Variants in AHI1 observed in about 807,000 individuals in gnomAD.
The protein encoded by AHI1 is Abelson helper integration site 1.
AHI1 carries 123 observed loss-of-function variants against 149.3 expected under a neutral mutation model. The observed-to-expected ratio is 0.82, with a 90% CI of 0.71 to 0.96. The LOEUF (loss-of-function observed/expected upper bound fraction) is 0.96. Among genes scored for constraint, AHI1 ranks in the 40% least tolerant of loss-of-function variants. The pLI is 0.00. For missense variants in AHI1, 1,439 were observed against 1,422.7 expected (o/e 1.01, Z -0.18); for synonymous variants, 475 against 459.8 (o/e 1.03, Z -0.42).
chr6:135,464,129 A>C (rs919477493), intron 7 of AHI1, among the ~76,000 whole-genome samples: 1 of 152,214 alleles, frequency 6.6e-6, no homozygotes, highest in African/African-American at 2.4e-5. Context: ...GTATCTAGTA[A>C]AAAATCTGCA....
chr6:135,324,846 T>G (rs1787409149), intron 24 of AHI1, among the ~76,000 whole-genome samples: 1 of 152,094 alleles, frequency 6.6e-6, no homozygotes, highest in African/African-American at 2.4e-5. Context: ...CATTTAACAA[T>G]ATTTATTAAC....
At chr6:135,358,493 G>C (rs975218477) in intron 23 of AHI1, among the ~76,000 whole-genome samples, 1 of 152,176 alleles carries the variant, frequency 6.6e-6, no homozygotes, top group Non-Finnish European at 1.5e-5. Flanking sequence ...GGGCTCTGCT[G>C]CTTTTCTTCC....
At chr6:135,324,542 T>TTATATA (rs890509105) in intron 24 of AHI1, among the ~76,000 whole-genome samples, 4 of 103,494 alleles carry the variant, frequency 3.9e-5, no homozygotes, top group African/African-American at 1.9e-4. Flanking sequence ...ACATATATAG[T>TTATATA]TATATATACA....
chr6:135,304,826 A>T (rs1784353322), intron 26 of AHI1, among the ~76,000 whole-genome samples: 1 of 152,182 alleles, frequency 6.6e-6, no homozygotes, highest in African/African-American at 2.4e-5. Context: ...TAATTGTGCC[A>T]ATTAAAAACA....
At chr6:135,450,929 A>G (rs999740229) in intron 11 of AHI1, among the ~76,000 whole-genome samples, 4 of 152,174 alleles carry the variant, frequency 2.6e-5, no homozygotes, top group Non-Finnish European at 4.4e-5. Flanking sequence ...TAACTTAACA[A>G]TTATCCAAGA....
chr6:135,333,112 C>A (rs1374414644), intron 24 of AHI1, among the ~76,000 whole-genome samples: 1 of 152,160 alleles, frequency 6.6e-6, no homozygotes, highest in Non-Finnish European at 1.5e-5. Flanking sequence ...CCAAAGACTT[C>A]AGGGTACTCC....
chr6:135,407,832 GA>G (rs1202572207), intron 21 of AHI1, among the ~76,000 whole-genome samples: 2 of 151,870 alleles, frequency 1.3e-5, no homozygotes, highest in African/African-American at 4.8e-5. Flanking sequence ...CTAACACGGT[GA>G]AACCCCGTCT....
At chr6:135,477,380 T>C (rs1419218921) in intron 5 of AHI1, among the ~76,000 whole-genome samples, 1 of 152,174 alleles carries the variant, frequency 6.6e-6, no homozygotes, top group African/African-American at 2.4e-5. Flanking sequence ...CAATAGATTT[T>C]TGTGATTCCA....
chr6:135,288,122 A>G (rs1244475811), intron 28 of AHI1, among the ~76,000 whole-genome samples: 1 of 151,970 alleles, frequency 6.6e-6, no homozygotes, highest in Admixed American at 6.6e-5. Flanking sequence ...ACACAACAAA[A>G]AAACCTGGAC....
intron 27 of AHI1, among the ~76,000 whole-genome samples, chr6:135,294,528 A>C (rs528247765): frequency 6.6e-6 from 1 of 151,934 alleles, no homozygotes; most frequent in Admixed American, 6.6e-5. Context: ...AAACAAACAA[A>C]CAACCCTCCC....
intron 23 of AHI1, among the ~76,000 whole-genome samples, chr6:135,385,697 G>A (rs1470756952): frequency 1.3e-5 from 2 of 152,208 alleles, no homozygotes; most frequent in African/African-American, 4.8e-5. Flanking sequence ...AAACCTGACT[G>A]AAAACCAGGA....
At chr6:135,477,414 A>C (rs1330321917) in intron 5 of AHI1, among the ~76,000 whole-genome samples, 1 of 152,140 alleles carries the variant, frequency 6.6e-6, no homozygotes, top group South Asian at 2.1e-4. Context: ...CTTTTTAGCT[A>C]TCCTTTTAAA....
chr6:135,414,844 A>G (rs895748331), intron 20 of AHI1, among the ~76,000 whole-genome samples: 1 of 151,908 alleles, frequency 6.6e-6, no homozygotes, highest in South Asian at 2.1e-4. Flanking sequence ...TTTAAGTTTT[A>G]GGGTACATGT....
At chr6:135,367,702 T>G (rs1446959885) in intron 23 of AHI1, among the ~76,000 whole-genome samples, 2 of 152,144 alleles carry the variant, frequency 1.3e-5, no homozygotes, top group Admixed American at 1.3e-4. Flanking sequence ...TTTCCAGAAG[T>G]TGTGATTGTT....
At chr6:135,497,045 T>C (rs1016200129) in intron 2 of AHI1, 143 bp downstream of exon 2, 2 of 152,240 alleles carry the variant, frequency 1.3e-5, no homozygotes, top group African/African-American at 4.8e-5. Context: ...ATTTTCACAA[T>C]AGATGTTTTT....
intron 13 of AHI1, among the ~76,000 whole-genome samples, chr6:135,444,975 A>G (rs977671025): frequency 6.6e-6 from 1 of 152,228 alleles, no homozygotes; most frequent in Non-Finnish European, 1.5e-5. Flanking sequence ...CTTTATACCT[A>G]CATTTCCTCA....
Position 135,485,594 on chromosome 6 carries a change from ATTTACT to A in AHI1, c.135+5023_135+5028del, listed in dbSNP as rs1372164166. On this transcript the variant is annotated intron_variant, in intron 5 of 28. Transcript: ENST00000265602. ...CTATTTGAATCTGTATTTTTGGAAA[ATTTACT>A]TTTAAGATCTTTCAGGACTTTTGTA... is the stretch of plus-strand genomic sequence containing the variant. Among the ~76,000 whole-genome samples, 8 of 152,204 alleles carry A rather than the reference ATTTACT, an allele frequency of 5.3e-5. No homozygotes were observed. In the East Asian group the frequency reaches 1.5e-3, roughly 29 times the overall value.
chr6:135,426,099 G>A (rs1188149633), intron 20 of AHI1, among the ~76,000 whole-genome samples: 1 of 151,698 alleles, frequency 6.6e-6, no homozygotes, highest in African/African-American at 2.4e-5. Context: ...AGGATACATG[G>A]TGAAACTAGA....
Position 135,434,815 on chromosome 6 carries a change from C to T in AHI1, c.2037-1559G>A, listed in dbSNP as rs575662616. Among the ~76,000 whole-genome samples, 330 of 152,026 alleles carry T rather than the reference C, an allele frequency of 2.2e-3. 1 individual carries two copies. The highest frequency in any genetic ancestry group is 7.4e-3 in the African/African-American group (305 of 41,484). ...GGGAAAGAAAAAACATAAAGTTAAG[C>T]CATATGTTTGAGAAAAGGGAATAGT... On this transcript the variant is annotated intron_variant, in intron 15 of 28. Transcript: ENST00000265602.
Sources: gnomAD v4.1 joint callset for allele counts (sites outside exome capture counted in the v4.1 genomes callset) on GRCh38, gnomAD v4.1.1 for gene constraint, MANE v1.5 for transcripts, NCBI Gene and HGNC (gene_info 2026-07-23, HGNC 2026-07-21) for gene names.